The following GSG1 variants were observed in gnomAD, a reference collection of about 807,000 sequenced individuals.
GSG1 encodes the protein germ cell associated 1, also known as germ cell-specific gene 1 protein.
Under a neutral mutation model 30.8 loss-of-function variants are expected in GSG1, and 28 were observed. The observed-to-expected ratio is 0.91, with a 90% CI of 0.67 to 1.25. The LOEUF (loss-of-function observed/expected upper bound fraction) is 1.25. GSG1 is among the 50% of genes most tolerant of loss of function. The pLI is 0.00. For synonymous variants in GSG1, 162 were observed against 178.0 expected (o/e 0.91, Z 0.71); for missense variants, 435 against 444.7 (o/e 0.98, Z 0.20).
chr12:13,099,765 T>TTTTTTG (rs1565551478), intron 1 of GSG1, among the ~76,000 whole-genome samples: 3 of 149,562 alleles, frequency 2.0e-5, no homozygotes, highest in African/African-American at 5.0e-5. Flanking sequence ...TTTTTTTTTT[T>TTTTTTG]TTTGTTTTTT....
rs1863225706 is a variant in GSG1 at position 13,101,766 on chromosome 12, G to A, written c.48+1699C>T. 6.6e-6 allele frequency among the ~76,000 whole-genome samples: 1 copy of A among 152,212 alleles called. No individual in the cohort carries two copies. The highest frequency in any genetic ancestry group is 2.4e-5 in the African/African-American group (1 of 41,460). Reference sequence around the variant, plus strand: ...GTAAAGCTATGGGTCCCAGGCTCCCGTTCTAAGGGAAGGGGATGTCTGCGT... The same window carrying A: ...GTAAAGCTATGGGTCCCAGGCTCCCATTCTAAGGGAAGGGGATGTCTGCGT... On this transcript the variant is annotated intron_variant, in intron 1 of 6. Coordinates refer to ENST00000651961, the MANE Select transcript of GSG1 (RefSeq NM_001080555.4). The surrounding 1 kb of genome is among the most constrained non-coding windows in gnomAD (Gnocchi z 5.8).
In GSG1 at chr12:13,093,276, C is replaced by T. The variant is rs17759413; in HGVS notation, c.49-2458G>A. 0.077 allele frequency among the ~76,000 whole-genome samples: 11,743 copies of T among 152,118 alleles called. 554 individuals are homozygous for T. Among genetic ancestry groups the T allele is most frequent in the South Asian group, 0.13 (614 of 4,816 alleles). Reference sequence around the variant, plus strand: ...CATTCCAAATGCTCTTTGTGATAATCGTTTTTGGCTTTGTCTTCACTGACA... The same window carrying T: ...CATTCCAAATGCTCTTTGTGATAATTGTTTTTGGCTTTGTCTTCACTGACA... On this transcript the variant is annotated intron_variant, in intron 1 of 6. Coordinates refer to ENST00000651961, the MANE Select transcript of GSG1 (RefSeq NM_001080555.4). This position sits in a 1 kb window ranked among gnomAD's most constrained non-coding sequence, Gnocchi z 4.6.
At chr12:13,089,831 A>G (rs1299958394) in intron 2 of GSG1, among the ~76,000 whole-genome samples, 1 of 152,186 alleles carries the variant, frequency 6.6e-6, no homozygotes, top group African/African-American at 2.4e-5. Context: ...TGGGCAGATC[A>G]CCTGAGGTCG....
intron 1 of GSG1, among the ~76,000 whole-genome samples, chr12:13,092,641 G>A (rs1298962129): frequency 6.6e-6 from 1 of 152,126 alleles, no homozygotes; most frequent in African/African-American, 2.4e-5. Flanking sequence ...TAGCAAAAAC[G>A]TGTCTTTGTA....
intron 1 of GSG1, among the ~76,000 whole-genome samples, chr12:13,098,456 ATTTTTTTTTTTTTTTT>A (rs771887535): frequency 0.013 from 627 of 47,402 alleles, 27 homozygotes; most frequent in African/African-American, 0.022. Context: ...CATGTAGCCC[ATTTTTTTTTTTTTTTT>A]TTTTTTTTTT....
intron 6 of GSG1, among the ~76,000 whole-genome samples, 153 bp from the exon 7 acceptor site, chr12:13,085,396 G>C (rs1006582125): frequency 6.6e-6 from 1 of 152,128 alleles, no homozygotes; most frequent in Non-Finnish European, 1.5e-5. Context: ...TGTGGGAAGA[G>C]AACTTACTGG....
chr12:13,094,608 T>G (rs995337292), intron 1 of GSG1, among the ~76,000 whole-genome samples: 17 of 152,252 alleles, frequency 1.1e-4, no homozygotes, highest in Admixed American at 4.6e-4. Context: ...TCTCTTACTG[T>G]GAGTCATCCT....
intron 6 of GSG1, 48 bp downstream of exon 6, chr12:13,087,104 G>A (rs779015818): frequency 1.7e-5 from 22 of 1,302,022 alleles, no homozygotes; most frequent in Middle Eastern, 2.2e-4. Context: ...AGAAAATCTC[G>A]TGAAGGTTGG....
intron 1 of GSG1, among the ~76,000 whole-genome samples, chr12:13,098,151 T>C (rs796665246): frequency 5.3e-5 from 8 of 152,120 alleles, no homozygotes; most frequent in African/African-American, 1.9e-4. Flanking sequence ...GTTTTTTTTT[T>C]TTTTACGGTT....
Position 13,090,632 on chromosome 12 carries a change from C to G in GSG1, c.235G>C (p.Asp79His). 1 of 1,614,244 alleles carries G rather than the reference C, an allele frequency of 6.2e-7. No homozygotes were observed. The highest frequency in any genetic ancestry group is 8.5e-7 in the Non-Finnish European group (1 of 1,180,042). ...AKCFDMPVSL[D>H]GDTNTSTQEV... ...TGGGTGGATGTGTTGGTATCTCCAT[C>G]CAGGGACACTGGCATGTCAAAGCAC... The change falls in exon 2 of 7, where the codon GAT becomes CAT. Residue 79 changes from aspartate (D) to histidine (H), a missense_variant. By Grantham distance (81) the Asp-to-His change is moderately conservative (BLOSUM62 -1). Coordinates refer to ENST00000651961, the MANE Select transcript of GSG1 (RefSeq NM_001080555.4).
chr12:13,089,017 G>C (rs1865831502), intron 3 of GSG1, 108 bp from the exon 4 acceptor site: 2 of 1,398,596 alleles, frequency 1.4e-6, no homozygotes, highest in Non-Finnish European at 2.0e-6. Context: ...GACAGCACCT[G>C]CCCCGCATAG....
At position 13,085,176 on chromosome 12, in the gene GSG1, T is replaced by C. The variant is rs1235041890; in HGVS notation, c.814A>G (p.Met272Val). The C allele has an allele frequency of 2.5e-6, 4 of 1,614,080 alleles. No individual in the cohort carries two copies. The highest frequency in any genetic ancestry group is 2.2e-5 in the South Asian group (2 of 91,074). The stretch of plus-strand genomic sequence containing the variant: ...TGCTTGCACTTGAACTCCAGCACCA[T>C]CCTGGTGTACGTGTTGAAGGTGGTG... ...AVTTFNTYTR[M>V]VLEFKCKHSK... is the part of the protein sequence containing the mutation. The change falls in exon 7 of 7, where the codon ATG (methionine) becomes GTG (valine). Residue 272 changes from methionine (M) to valine (V), a missense_variant. Transcript: ENST00000651961.
Position 13,088,912 on chromosome 12 carries a change from G to A in GSG1, c.434-3C>T, listed in dbSNP as rs767929695. 1 of 1,614,126 alleles carries A rather than the reference G, an allele frequency of 6.2e-7. No individual in the cohort carries two copies. Among genetic ancestry groups the A allele is most frequent in the Non-Finnish European group, 8.5e-7 (1 of 1,179,982 alleles). On this transcript the variant is annotated splice_polypyrimidine_tract_variant and splice_region_variant and intron_variant, in intron 3 of 6. Transcript: ENST00000651961. ...AATGAAACTTCGGCACCTCTCCCCT[G>A]AAACATACAAGGTACAACGTCATGG...
intron 1 of GSG1, among the ~76,000 whole-genome samples, chr12:13,102,784 T>G (rs1863308848): frequency 6.6e-6 from 1 of 152,272 alleles, no homozygotes. Context: ...CATTTGTTTT[T>G]TTAAGTAATC....
At chr12:13,102,297 T>G (rs564940840) in intron 1 of GSG1, among the ~76,000 whole-genome samples, 72 of 152,200 alleles carry the variant, frequency 4.7e-4, no homozygotes, top group Non-Finnish European at 7.1e-4. Context: ...GCAGGCCAGA[T>G]TTATGGGACC....
At chr12:13,089,054 G>T in intron 3 of GSG1, 145 bp from the exon 4 acceptor site, 1 of 1,278,998 alleles carries the variant, frequency 7.8e-7, no homozygotes, top group Non-Finnish European at 1.1e-6. Flanking sequence ...AGAATGCCTG[G>T]GTGAATGAAT....
chr12:13,092,028 G>C (rs1010515805), intron 1 of GSG1, among the ~76,000 whole-genome samples: 3 of 152,198 alleles, frequency 2.0e-5, no homozygotes, highest in Admixed American at 1.3e-4. Flanking sequence ...GTGGTGATTT[G>C]CATAGATTGA....
chr12:13,094,557 T>A (rs907085721), intron 1 of GSG1, among the ~76,000 whole-genome samples: 1 of 152,250 alleles, frequency 6.6e-6, no homozygotes, highest in Non-Finnish European at 1.5e-5. Context: ...TGTTTTCATC[T>A]TGGTTTTAGT....
chr12:13,095,911 G>C (rs1348693002), intron 1 of GSG1: 1 of 769,866 alleles, frequency 1.3e-6, no homozygotes, highest in African/African-American at 1.7e-5. Context: ...AATTTGCAGA[G>C]GAAATTTTCT....
Sources: allele counts gnomAD v4.1 joint callset (sites outside exome capture counted in the v4.1 genomes callset), GRCh38; gene constraint gnomAD v4.1.1; non-coding constraint Gnocchi (gnomAD v3.1); transcripts MANE v1.5; gene names NCBI Gene and HGNC (gene_info 2026-07-23, HGNC 2026-07-21).